The following SESN1 variants were observed in gnomAD, a reference collection of about 807,000 sequenced individuals.
SESN1 encodes the protein sestrin-1.
Under a neutral mutation model 59.3 loss-of-function variants are expected in SESN1, and 30 were observed. The observed-to-expected ratio is 0.51, with a 90% CI of 0.38 to 0.69. The LOEUF (loss-of-function observed/expected upper bound fraction) is 0.69. Ranked by LOEUF, SESN1 falls within the 30% of genes least tolerant of loss-of-function variation. SESN1 has a pLI of 0.00. For synonymous variants in SESN1, 197 were observed against 219.9 expected (o/e 0.90, Z 0.92); for missense variants, 566 against 673.0 (o/e 0.84, Z 1.76).
At chr6:109,006,813 G>T (rs1448915350) in intron 1 of SESN1, among the ~76,000 whole-genome samples, 1 of 152,144 alleles carries the variant, frequency 6.6e-6, no homozygotes, top group Non-Finnish European at 1.5e-5. Flanking sequence ...CACTGCGGGT[G>T]TTCAATGGGG....
intron 1 of SESN1, among the ~76,000 whole-genome samples, chr6:109,016,421 T>C (rs1779927916): frequency 6.6e-6 from 1 of 152,182 alleles, no homozygotes; most frequent in Non-Finnish European, 1.5e-5. Flanking sequence ...GTAGGTCCTA[T>C]AATCCTTTAA....
intron 1 of SESN1, chr6:109,009,458 C>T: frequency 1.1e-5 from 14 of 1,306,422 alleles, no homozygotes; most frequent in Non-Finnish European, 1.4e-5. Flanking sequence ...CGGCCAAGCG[C>T]ATGTCGGCGC....
chr6:108,998,772 A>C lies in SESN1; in HGVS notation c.730-17T>G, dbSNP rs1371132899. 6.3e-7 allele frequency: 1 copy of C among 1,592,126 alleles called. No homozygotes were observed. Reference sequence around the variant, plus strand: ...TAAAAGTCCCTTAGGGGGAAAAAAAAAAAGAATATATTTTTGTACTGGGGT... The same window carrying C: ...TAAAAGTCCCTTAGGGGGAAAAAAACAAAGAATATATTTTTGTACTGGGGT... On this transcript the variant is annotated splice_polypyrimidine_tract_variant and intron_variant, in intron 4 of 9. Transcript: ENST00000436639.
chr6:109,019,560 C>T (rs1311136444), intron 1 of SESN1, among the ~76,000 whole-genome samples: 1 of 152,142 alleles, frequency 6.6e-6, no homozygotes, highest in Non-Finnish European at 1.5e-5. Flanking sequence ...GTCCTTTCAG[C>T]CCTCTTCAAG....
rs1406558579 is a variant in SESN1, at chr6:108,984,978, G to A, written c.*2566C>T. Among the ~76,000 whole-genome samples, 1 of 152,126 alleles carries A rather than the reference G, an allele frequency of 6.6e-6. No individual in the cohort carries two copies. The highest frequency in any genetic ancestry group is 1.5e-5 in the Non-Finnish European group (1 of 68,032). ...TAACTCAGCGTCTCTGGGAGAATGA[G>A]GACGTGGAGTTCCCAAGTCCATCAT... is the stretch of plus-strand genomic sequence containing the variant. On this transcript the variant is annotated 3_prime_UTR_variant, in exon 10 of 10. Coordinates refer to ENST00000436639, the MANE Select transcript of SESN1 (RefSeq NM_014454.3).
At chr6:109,049,690 G>C (rs904103805) in intron 1 of SESN1, among the ~76,000 whole-genome samples, 5 of 149,404 alleles carry the variant, frequency 3.3e-5, no homozygotes, top group African/African-American at 1.2e-4. Context: ...AAAGGAGAGG[G>C]GACGTATATT....
intron 1 of SESN1, among the ~76,000 whole-genome samples, chr6:109,088,758 A>G (rs1411869979): frequency 2.0e-5 from 3 of 152,220 alleles, no homozygotes; most frequent in Non-Finnish European, 2.9e-5. Flanking sequence ...CCAGTAGACT[A>G]TATTAGGAAA....
At chr6:109,074,558 A>C (rs1349776193) in intron 1 of SESN1, among the ~76,000 whole-genome samples, 1 of 152,242 alleles carries the variant, frequency 6.6e-6, no homozygotes, top group Non-Finnish European at 1.5e-5. Flanking sequence ...CATAAGAATT[A>C]TGGTTTATAA....
chr6:109,037,185 ACT>A (rs1359447678), intron 1 of SESN1, among the ~76,000 whole-genome samples: 3 of 152,098 alleles, frequency 2.0e-5, no homozygotes, highest in South Asian at 2.1e-4. Flanking sequence ...GCTATTTAAG[ACT>A]CTGTGATGCA....
At chr6:109,004,187 A>C (rs1237743253) in intron 1 of SESN1, among the ~76,000 whole-genome samples, 3 of 152,186 alleles carry the variant, frequency 2.0e-5, no homozygotes, top group Non-Finnish European at 4.4e-5. Context: ...AAAAAGCAAA[A>C]AACATTATAG....
At chr6:109,048,634 C>T (rs890394029) in intron 1 of SESN1, among the ~76,000 whole-genome samples, 8 of 152,240 alleles carry the variant, frequency 5.3e-5, no homozygotes, top group African/African-American at 1.7e-4. Context: ...GGGTAGATGG[C>T]CACAAGTAGG....
At chr6:109,009,343 C>A in intron 1 of SESN1, 1 of 1,468,696 alleles carries the variant, frequency 6.8e-7, no homozygotes, top group Non-Finnish European at 9.0e-7. Context: ...GCCCGCTCAG[C>A]CCCTCGCCCA....
rs149286462 is a variant in SESN1, at chr6:109,027,564, G to A, written c.280-25221C>T. ...AAACATTTTAGTCAATCTAATGGGT[G>A]TAGTGCAGTTGTTCTTAACAAGTGA... On this transcript the variant is annotated intron_variant, in intron 1 of 9. Transcript: ENST00000436639. Among the ~76,000 whole-genome samples the A allele has an allele frequency of 2.2e-3, 338 of 151,328 alleles. 2 individuals carry two copies. Among genetic ancestry groups the A allele is most frequent in the Middle Eastern group, 6.9e-3 (2 of 290 alleles).
intron 1 of SESN1, among the ~76,000 whole-genome samples, chr6:109,087,491 GAAGT>G (rs1781232906): frequency 6.6e-6 from 1 of 152,166 alleles, no homozygotes; most frequent in Admixed American, 6.5e-5. Context: ...GAGGCAATGA[GAAGT>G]AAGCCACAAG....
chr6:109,001,142 A>C, intron 3 of SESN1, 146 bp downstream of exon 3: 1 of 722,690 alleles, frequency 1.4e-6, no homozygotes, highest in Non-Finnish European at 2.2e-6. Flanking sequence ...TACTTATTTA[A>C]AAATAGGAAA....
At chr6:109,067,486 C>CA (rs1479819500) in intron 1 of SESN1, among the ~76,000 whole-genome samples, 1 of 152,028 alleles carries the variant, frequency 6.6e-6, no homozygotes, top group Non-Finnish European at 1.5e-5. Flanking sequence ...TCAAAGAAAA[C>CA]AAAAAAGGAA....
chr6:108,998,196 A>T (rs1323994147), intron 5 of SESN1, among the ~76,000 whole-genome samples: 2 of 152,188 alleles, frequency 1.3e-5, no homozygotes, highest in African/African-American at 4.8e-5. Flanking sequence ...CCCTCATGTC[A>T]CTGCAGTAGC....
At chr6:109,074,793 C>T (rs1781004581) in intron 1 of SESN1, among the ~76,000 whole-genome samples, 1 of 152,200 alleles carries the variant, frequency 6.6e-6, no homozygotes, top group Admixed American at 6.5e-5. Context: ...TCACAGCTCA[C>T]TAGAGAAGTA....
At chr6:109,005,612 T>G (rs569043233) in intron 1 of SESN1, among the ~76,000 whole-genome samples, 35 of 152,274 alleles carry the variant, frequency 2.3e-4, no homozygotes, top group African/African-American at 7.9e-4. Flanking sequence ...AACAGAGTAT[T>G]TCCTATATTT....
Sources: allele counts gnomAD v4.1 joint callset (sites outside exome capture counted in the v4.1 genomes callset), GRCh38; gene constraint gnomAD v4.1.1; transcripts MANE v1.5; gene names NCBI Gene and HGNC (gene_info 2026-07-23, HGNC 2026-07-21).